The following SFMBT2 variants were observed in gnomAD, a reference collection of about 807,000 sequenced individuals.
The protein encoded by SFMBT2 is Scm like with four mbt domains 2, also known as scm-like with four MBT domains protein 2.
SFMBT2 carries 38 observed loss-of-function variants against 110.1 expected under a neutral mutation model. The ratio of observed to expected loss-of-function variants is 0.35; its 90% confidence interval spans 0.27 to 0.45. SFMBT2 has a LOEUF of 0.45. Among genes scored for constraint, SFMBT2 ranks in the 20% least tolerant of loss-of-function variants. The probability of loss-of-function intolerance (pLI) is 1.00; values close to 1 mark genes in which losing one functional copy is unlikely to be tolerated. For synonymous variants in SFMBT2, 425 were observed against 425.4 expected, an observed-to-expected ratio of 1.00 and a Z score of 0.01; for missense variants, 1,011 against 1,094.9, an observed-to-expected ratio of 0.92 and a Z score of 1.08.
chr10:7,353,842 T>C (rs531594882), intron 4 of SFMBT2, among the ~76,000 whole-genome samples: 23 of 152,182 alleles, frequency 1.5e-4, no homozygotes, highest in Non-Finnish European at 2.9e-4. Flanking sequence ...TCCCAGCACT[T>C]TGGGAGGCCG....
At chr10:7,174,846 C>T (rs549539246) in intron 17 of SFMBT2, among the ~76,000 whole-genome samples, 11 of 152,332 alleles carry the variant, frequency 7.2e-5, no homozygotes, top group Admixed American at 1.3e-4. Flanking sequence ...ACCTGCGGGC[C>T]CTACCTGAGA....
intron 1 of SFMBT2, among the ~76,000 whole-genome samples, chr10:7,407,717 C>A (rs990267920): frequency 2.6e-5 from 4 of 152,230 alleles, no homozygotes; most frequent in Non-Finnish European, 5.9e-5. Flanking sequence ...AGCGAAACTG[C>A]GAGCTGGTCT....
At chr10:7,289,806 G>T (rs1200082808) in intron 4 of SFMBT2, among the ~76,000 whole-genome samples, 1 of 152,058 alleles carries the variant, frequency 6.6e-6, no homozygotes, top group Non-Finnish European at 1.5e-5. Flanking sequence ...CTAGACCATG[G>T]AGTTACCTTA....
At chr10:7,379,430 TA>T (rs35463277) in intron 2 of SFMBT2, among the ~76,000 whole-genome samples, 6 of 150,890 alleles carry the variant, frequency 4.0e-5, no homozygotes, top group African/African-American at 1.5e-4. Flanking sequence ...TAGATTTTAG[TA>T]AAAAAAAAAT....
chr10:7,177,786 C>T (rs550594423), intron 16 of SFMBT2, among the ~76,000 whole-genome samples: 13 of 151,582 alleles, frequency 8.6e-5, no homozygotes, highest in Non-Finnish European at 1.5e-4. Flanking sequence ...TGAGCACAGG[C>T]GGTCAAGGCT....
At chr10:7,381,263 T>TA (rs1180714077) in intron 2 of SFMBT2, among the ~76,000 whole-genome samples, 6 of 152,208 alleles carry the variant, frequency 3.9e-5, no homozygotes, top group African/African-American at 1.4e-4. Flanking sequence ...CTCAACATAT[T>TA]AGATGCTGTA....
At chr10:7,322,029 A>C (rs1182269277) in intron 4 of SFMBT2, among the ~76,000 whole-genome samples, 1 of 152,208 alleles carries the variant, frequency 6.6e-6, no homozygotes, top group African/African-American at 2.4e-5. Flanking sequence ...AAACTTTTTC[A>C]CATCACGGTA....
chr10:7,166,007 A>C lies in SFMBT2; in HGVS notation c.2545-2097T>G, dbSNP rs532610014. Among the ~76,000 whole-genome samples, 9 of 152,354 alleles carry C rather than the reference A, an allele frequency of 5.9e-5. No homozygotes were observed. In the South Asian group the frequency reaches 1.9e-3, roughly 32 times the overall value. On this transcript the variant is annotated intron_variant, in intron 20 of 20. Transcript: ENST00000397167. Reference sequence around the variant, plus strand: ...AATTACACCAAGAGGGCATGGGTGTAGGGACTCAAAGTCTTCCAGGTACCA... The same window carrying C: ...AATTACACCAAGAGGGCATGGGTGTCGGGACTCAAAGTCTTCCAGGTACCA...
At chr10:7,249,877 T>TCCCG (rs1174146586) in intron 7 of SFMBT2, among the ~76,000 whole-genome samples, 1 of 152,154 alleles carries the variant, frequency 6.6e-6, no homozygotes, top group Non-Finnish European at 1.5e-5. Context: ...AGGTCTCTGT[T>TCCCG]TTGGGGGATG....
At chr10:7,351,262 A>G (rs1386649123) in intron 4 of SFMBT2, among the ~76,000 whole-genome samples, 1 of 152,208 alleles carries the variant, frequency 6.6e-6, no homozygotes, top group East Asian at 1.9e-4. Context: ...TTCCTTATTC[A>G]TTTAACAACT....
At chr10:7,368,307 G>C (rs547862843) in intron 3 of SFMBT2, 1 of 983,846 alleles carries the variant, frequency 1.0e-6, no homozygotes, top group East Asian at 1.1e-4. Flanking sequence ...CACATGATAG[G>C]GGCTATTCCA....
At chr10:7,167,237 T>C (rs958810916) in intron 20 of SFMBT2, among the ~76,000 whole-genome samples, 1 of 152,244 alleles carries the variant, frequency 6.6e-6, no homozygotes, top group Non-Finnish European at 1.5e-5. Flanking sequence ...CTTATTGCGC[T>C]GTCTCTGACT....
chr10:7,380,522 T>C (rs1845389188), intron 2 of SFMBT2, among the ~76,000 whole-genome samples: 1 of 152,250 alleles, frequency 6.6e-6, no homozygotes, highest in Non-Finnish European at 1.5e-5. Flanking sequence ...GTGACTTCTT[T>C]GGACCATGGT....
intron 4 of SFMBT2, among the ~76,000 whole-genome samples, chr10:7,341,382 T>C (rs1403540532): frequency 6.6e-6 from 1 of 152,244 alleles, no homozygotes; most frequent in African/African-American, 2.4e-5. Flanking sequence ...CTGGTTCTAC[T>C]AAGGGAAGAG....
intron 16 of SFMBT2, among the ~76,000 whole-genome samples, chr10:7,179,309 G>A (rs866398699): frequency 7.1e-6 from 1 of 141,822 alleles, no homozygotes; most frequent in Middle Eastern, 4.3e-3. Context: ...TATGTGTAGA[G>A]ACTTCCCTCT....
chr10:7,253,506 G>C (rs1840883696), intron 7 of SFMBT2, among the ~76,000 whole-genome samples: 1 of 152,198 alleles, frequency 6.6e-6, no homozygotes, highest in Non-Finnish European at 1.5e-5. Flanking sequence ...TGTGATGTTA[G>C]AAGTGTTGTG....
At chr10:7,218,382 G>C (rs1839612812) in intron 11 of SFMBT2, among the ~76,000 whole-genome samples, 2 of 152,166 alleles carry the variant, frequency 1.3e-5, no homozygotes, top group Admixed American at 1.3e-4. Flanking sequence ...CAAAATTCAA[G>C]CAAGACCCAG....
intron 2 of SFMBT2, among the ~76,000 whole-genome samples, chr10:7,378,662 G>A (rs868808489): frequency 3.4e-4 from 51 of 149,716 alleles, no homozygotes; most frequent in African/African-American, 1.1e-3. Flanking sequence ...GTGTGGGTGT[G>A]TGTGGGTGTA....
chr10:7,278,246 A>T (rs117114270), intron 6 of SFMBT2, among the ~76,000 whole-genome samples: 1,904 of 152,310 alleles, frequency 0.013, 14 homozygotes, highest in Non-Finnish European at 0.018. Context: ...ACTTCTGTGG[A>T]GACTGAAAGA....
Sources: gnomAD v4.1 joint callset for allele counts (sites outside exome capture counted in the v4.1 genomes callset) on GRCh38, gnomAD v4.1.1 for gene constraint, MANE v1.5 for transcripts, NCBI Gene and HGNC (gene_info 2026-07-23, HGNC 2026-07-21) for gene names.